DOCK9: variants seen among roughly 807,000 people sequenced by gnomAD.
DOCK9 encodes the protein dedicator of cytokinesis 9, also known as dedicator of cytokinesis protein 9.
In DOCK9, 89 loss-of-function variants were observed where a neutral mutation model predicts 263.3. The observed-to-expected ratio is 0.34, with a 90% CI of 0.28 to 0.40. DOCK9 has a LOEUF of 0.40. Ranked by LOEUF, DOCK9 falls within the 10% of genes least tolerant of loss-of-function variation. The pLI is 1.00. For missense variants in DOCK9, 2,140 were observed against 2,603.4 expected (o/e 0.82, Z 3.87); for synonymous variants, 976 against 973.1 (o/e 1.00, Z -0.06).
intron 1 of DOCK9, among the ~76,000 whole-genome samples, chr13:99,039,651 T>C (rs1383386012): frequency 6.6e-6 from 1 of 152,232 alleles, no homozygotes; most frequent in Admixed American, 6.5e-5. Flanking sequence ...TAAGGATCTC[T>C]GTCTAGCAGA....
At chr13:98,838,178 G>T (rs958300463) in intron 38 of DOCK9, among the ~76,000 whole-genome samples, 3 of 152,186 alleles carry the variant, frequency 2.0e-5, no homozygotes. Flanking sequence ...CAGGCTGCTG[G>T]TCACTGAGTC....
At chr13:99,045,417 T>C (rs1336581130) in intron 1 of DOCK9, among the ~76,000 whole-genome samples, 3 of 152,158 alleles carry the variant, frequency 2.0e-5, no homozygotes, top group Admixed American at 6.5e-5. Context: ...GAAAGGCTAA[T>C]ACTACATGAC....
chr13:99,083,488 A>G (rs1328962001), intron 1 of DOCK9, among the ~76,000 whole-genome samples: 2 of 152,202 alleles, frequency 1.3e-5, no homozygotes, highest in African/African-American at 4.8e-5. Flanking sequence ...GTGAAATGAT[A>G]TAAGGCCTGG....
intron 1 of DOCK9, among the ~76,000 whole-genome samples, chr13:99,051,482 G>A (rs1039703934): frequency 6.6e-6 from 1 of 151,912 alleles, no homozygotes; most frequent in Non-Finnish European, 1.5e-5. Context: ...GGAAACATGA[G>A]GTCTGCAGCT....
intron 1 of DOCK9, among the ~76,000 whole-genome samples, chr13:99,034,705 G>C (rs7339378): frequency 0.5 from 75,314 of 152,024 alleles, 18,945 homozygotes; most frequent in East Asian, 0.65. Flanking sequence ...CCCTTTATCT[G>C]TTTTCCTTAA....
chr13:98,863,561 T>C lies in DOCK9; in HGVS notation c.3287-13A>G, dbSNP rs201187604. On this transcript the variant is annotated splice_polypyrimidine_tract_variant and intron_variant, in intron 30 of 52. Transcript: ENST00000682017. Reference sequence around the variant, plus strand: ...TCAAGCTGGAGGTCTGAAATGAGGATAGAAACTACTTGAGTTAGGAAAGAT... The same window carrying C: ...TCAAGCTGGAGGTCTGAAATGAGGACAGAAACTACTTGAGTTAGGAAAGAT... 1,843 of 1,591,216 alleles carry C rather than the reference T, an allele frequency of 1.2e-3. 11 individuals carry two copies. Among genetic ancestry groups the C allele is most frequent in the East Asian group, 4.8e-3 (215 of 44,538 alleles).
chr13:98,887,275 T>C (rs1052144973), intron 18 of DOCK9, among the ~76,000 whole-genome samples: 22 of 151,144 alleles, frequency 1.5e-4, no homozygotes, highest in Admixed American at 2.6e-4. Context: ...GTTCCACTAA[T>C]GTTTTACCTT....
intron 1 of DOCK9, among the ~76,000 whole-genome samples, chr13:98,966,325 C>T (rs1012776242): frequency 3.4e-4 from 52 of 152,314 alleles, no homozygotes; most frequent in African/African-American, 9.9e-4. Context: ...GGGAACACAG[C>T]GAGAACCAGG....
In DOCK9 at chr13:98,855,977, G is replaced by A. The variant is rs777068794; in HGVS notation, c.3752C>T (p.Ser1251Leu). 10 of 1,613,856 alleles carry A rather than the reference G, an allele frequency of 6.2e-6. No homozygotes were observed. Among genetic ancestry groups the A allele is most frequent in the East Asian group, 2.2e-5 (1 of 44,882 alleles). ...ATCTGTGCTTATGAGAGATCCTCTC[G>A]AATCAGCATTTCTCACACTGTTGAT... is the stretch of plus-strand genomic sequence containing the variant. ...PNINSVRNAD[S>L]RGSLISTDSG... The change falls in exon 34 of 53, where the codon TCG (serine) becomes TTG (leucine). Residue 1251 changes from serine to leucine, a missense_variant. By Grantham distance (145) the Ser-to-Leu change is moderately radical. Around this residue, in one of 2 missense-constraint regions of DOCK9, gnomAD observed 1,521 missense variants for 1,741.7 expected, o/e 0.87. Coordinates refer to ENST00000682017, the MANE Select transcript of DOCK9 (RefSeq NM_001366683.2).
chr13:98,915,135 T>C lies in DOCK9; in HGVS notation c.892+194A>G, dbSNP rs144193536. 3.7e-3 allele frequency among the ~76,000 whole-genome samples: 567 copies of C among 151,554 alleles called. 4 individuals are homozygous for C. Among genetic ancestry groups the C allele is most frequent in the Middle Eastern group, 0.027 (8 of 292 alleles). On this transcript the variant is annotated intron_variant, in intron 8 of 52. Transcript: ENST00000682017. ...GCTTTGGTTCTTCCCATTACATGAT[T>C]TCCATATACGAAATGTCAGGGAAGT... is the stretch of plus-strand genomic sequence containing the variant.
chr13:98,885,737 G>C lies in DOCK9; in HGVS notation c.2231C>G (p.Thr744Arg), dbSNP rs368366341. Residue 744 changes from threonine to arginine, a missense_variant, in exon 20 of 53, where the codon ACG (threonine) becomes AGG (arginine). Physicochemically the swap from Thr to Arg is moderately conservative, Grantham distance 71. Around this residue, in one of 2 missense-constraint regions of DOCK9, gnomAD observed 1,521 missense variants for 1,741.7 expected, o/e 0.87. Transcript: ENST00000682017. Reference protein sequence around the residue: ...VSCDNSSKGSTKKRDVVETQV... With the variant: ...VSCDNSSKGSRKKRDVVETQV... ...GGTTTCAACGACATCCCTCTTCTTC[G>C]TGCTTCCTTTACTTGAGTTGTCACA... The C allele has an allele frequency of 2.1e-5, 34 of 1,611,166 alleles. No homozygotes were observed. Among genetic ancestry groups the C allele is most frequent in the East Asian group, 4.5e-5 (2 of 44,708 alleles).
chr13:98,962,419 C>A (rs753124250), intron 1 of DOCK9, among the ~76,000 whole-genome samples: 4 of 152,164 alleles, frequency 2.6e-5, no homozygotes, highest in Non-Finnish European at 5.9e-5. Flanking sequence ...TTGTCCCTCA[C>A]AAAACCTGAC....
rs1338704365 is a variant in DOCK9, at chr13:99,082,379, T to TGTG, written c.129+3841_129+3843dup. The stretch of plus-strand genomic sequence containing the variant: ...CTAAAAATACAAAAAATTAGCCGGG[T>TGTG]GTGGTGGTGGGCGCCTATAATCTCA... On this transcript the variant is annotated intron_variant, in intron 1 of 32. Transcript: ENST00000427887. Among the ~76,000 whole-genome samples the TGTG allele has an allele frequency of 3.3e-5, 5 of 151,226 alleles. No individual in the cohort carries two copies. In the East Asian group the frequency reaches 7.8e-4, roughly 24 times the overall value.
chr13:98,920,142 C>T (rs1297926939), intron 7 of DOCK9, among the ~76,000 whole-genome samples: 1 of 152,132 alleles, frequency 6.6e-6, no homozygotes, highest in Non-Finnish European at 1.5e-5. Context: ...GTAGTAGCTC[C>T]CCTCAGAAAA....
chr13:98,848,175 T>G (rs2093446815), intron 37 of DOCK9, among the ~76,000 whole-genome samples: 1 of 152,094 alleles, frequency 6.6e-6, no homozygotes. Context: ...TTAGGTGAGA[T>G]TTTAGTATCT....
intron 7 of DOCK9, among the ~76,000 whole-genome samples, chr13:98,919,119 T>C (rs1228325025): frequency 1.3e-5 from 2 of 150,726 alleles, no homozygotes; most frequent in Admixed American, 1.3e-4. Flanking sequence ...TGTTTCTCTT[T>C]TTTTTTTTGA....
chr13:98,849,194 A>G (rs1474307050), intron 36 of DOCK9, among the ~76,000 whole-genome samples: 3 of 152,098 alleles, frequency 2.0e-5, no homozygotes, highest in Admixed American at 6.5e-5. Flanking sequence ...GTTTCACCAC[A>G]TAACTCCCGC....
At chr13:99,029,559 G>A (rs1199549278) in intron 1 of DOCK9, among the ~76,000 whole-genome samples, 1 of 152,134 alleles carries the variant, frequency 6.6e-6, no homozygotes, top group Non-Finnish European at 1.5e-5. Context: ...TATGAAAATG[G>A]CCATGAGCAC....
intron 10 of DOCK9, among the ~76,000 whole-genome samples, chr13:98,903,599 C>CAAAAAAAAAAA (rs72290114): frequency 5.1e-5 from 4 of 78,542 alleles, no homozygotes; most frequent in African/African-American, 1.5e-4. Context: ...GACTCTGCCT[C>CAAAAAAAAAAA]AAAAAAAAAA....
Sources: gnomAD v4.1 joint callset for allele counts (sites outside exome capture counted in the v4.1 genomes callset) on GRCh38, gnomAD v4.1.1 for gene constraint, gnomAD v4.1.1 regional missense constraint, MANE v1.5 for transcripts, NCBI Gene and HGNC (gene_info 2026-07-23, HGNC 2026-07-21) for gene names.